EPCAM: variants seen among roughly 807,000 people sequenced by gnomAD.
EPCAM encodes adenocarcinoma-associated antigen.
Under a neutral mutation model 40.0 loss-of-function variants are expected in EPCAM, and 39 were observed. That is an observed-to-expected ratio of 0.98 (90% CI 0.76 to 1.27). EPCAM has a LOEUF of 1.27. Among genes scored for constraint, EPCAM ranks in the 50% most tolerant of loss-of-function variants. The pLI, the probability that EPCAM is intolerant of heterozygous loss-of-function variation, is 0.00. For missense variants in EPCAM, 503 were observed against 381.2 expected (o/e 1.32, Z -2.66); for synonymous variants, 168 against 132.3 (o/e 1.27, Z -1.85).
chr2:47,382,903 C>A (rs1317861804), intron 7 of EPCAM, among the ~76,000 whole-genome samples: 1 of 151,818 alleles, frequency 6.6e-6, no homozygotes, highest in Non-Finnish European at 1.5e-5. Flanking sequence ...TTTTAGACCC[C>A]AAAACTTAGA....
rs201402370 is a variant in EPCAM, at chr2:47,369,510, C to A, written c.5C>A (p.Ala2Glu). 6.4e-7 allele frequency: 1 copy of A among 1,552,870 alleles called. No homozygotes were observed. The highest frequency in any genetic ancestry group is 8.7e-7 in the Non-Finnish European group (1 of 1,155,542). Residue 2 changes from alanine (A) to glutamate (E), a missense_variant, in exon 1 of 9, where the codon GCG (alanine) becomes GAG (glutamate). Coordinates refer to ENST00000263735, the MANE Select transcript of EPCAM (RefSeq NM_002354.3). MAPPQVLAFGLL... is the reference protein window; with the variant it reads MEPPQVLAFGLL... ...TCTTCTCGGCGCGCGCGCAGCATGG[C>A]GCCCCCGCAGGTCCTCGCGTTCGGG...
At chr2:47,375,436 A>C (rs1671396776) in intron 4 of EPCAM, 137 bp downstream of exon 4, 1 of 680,620 alleles carries the variant, frequency 1.5e-6, no homozygotes, top group African/African-American at 1.8e-5. Flanking sequence ...AGTTGCAAGA[A>C]TAGCACAGAG....
chr2:47,381,031 C>T (rs966994136), intron 7 of EPCAM, among the ~76,000 whole-genome samples: 8 of 119,012 alleles, frequency 6.7e-5, no homozygotes, highest in South Asian at 5.7e-4. Flanking sequence ...GGTTGTAGTG[C>T]GCCAAGATCA....
intron 5 of EPCAM, chr2:47,377,864 G>A (rs72810401): frequency 2.4e-6 from 1 of 417,736 alleles, no homozygotes; most frequent in Non-Finnish European, 4.7e-6. Context: ...CTTGAATAGT[G>A]TGACGGAACT....
intron 7 of EPCAM, among the ~76,000 whole-genome samples, chr2:47,384,069 A>C (rs1035326572): frequency 6.6e-6 from 1 of 150,708 alleles, no homozygotes; most frequent in Non-Finnish European, 1.5e-5. Context: ...GTCGTGGTAG[A>C]CTTTTTTTTG....
At chr2:47,369,845 G>A (rs777333542) in intron 1 of EPCAM, 49 of 605,862 alleles carry the variant, frequency 8.1e-5, no homozygotes, top group Non-Finnish European at 1.4e-4. Context: ...CGGGGGACAG[G>A]CAGGGAACGG....
intron 7 of EPCAM, among the ~76,000 whole-genome samples, chr2:47,381,085 CAAAAAAAAAAAAAA>C (rs60299402): frequency 7.7e-5 from 3 of 38,998 alleles, no homozygotes; most frequent in South Asian, 1.4e-3. Flanking sequence ...GACTCTGTCT[CAAAAAAAAAAAAAA>C]AAAAAAAAAA....
At chr2:47,375,012 T>G (rs1297119639) in intron 3 of EPCAM, among the ~76,000 whole-genome samples, 1 of 152,214 alleles carries the variant, frequency 6.6e-6, no homozygotes, top group Admixed American at 6.6e-5. Context: ...TGTGACTTTA[T>G]GTATTGTGTC....
At chr2:47,373,336 T>C (rs2103745102) in intron 1 of EPCAM, 127 bp from the exon 2 acceptor site, 7 of 685,344 alleles carry the variant, frequency 1.0e-5, no homozygotes, top group Non-Finnish European at 1.7e-5. Context: ...AAATAAAACA[T>C]TCAGAACCAC....
chr2:47,381,114 A>G (rs1236661128), intron 7 of EPCAM, among the ~76,000 whole-genome samples: 6 of 107,540 alleles, frequency 5.6e-5, no homozygotes, highest in Admixed American at 3.1e-4. Flanking sequence ...AAAAAAAAAA[A>G]GGCCAGGCAC....
intron 2 of EPCAM, 67 bp from the exon 3 acceptor site, chr2:47,373,741 A>G (rs1207702792): frequency 1.3e-6 from 2 of 1,599,872 alleles, no homozygotes; most frequent in Non-Finnish European, 1.7e-6. Flanking sequence ...CTTTAGAGTT[A>G]ATTTTTTTTT....
chr2:47,376,885 CA>C, intron 4 of EPCAM, 128 bp from the exon 5 acceptor site: 1 of 659,452 alleles, frequency 1.5e-6, no homozygotes, highest in Non-Finnish European at 2.7e-6. Context: ...ATGATAGTTG[CA>C]AAATGGCAGA....
At position 47,373,996 on chromosome 2, in the gene EPCAM, A is replaced by AC. The variant is rs1553342984; in HGVS notation, c.373_374insC (p.Arg125ThrfsTer8). 1 of 1,614,202 alleles carries AC rather than the reference A, an allele frequency of 6.2e-7. No homozygotes were observed. The highest frequency in any genetic ancestry group is 1.1e-5 in the South Asian group (1 of 91,076). The stretch of plus-strand genomic sequence containing the variant: ...CTGGTGTGTGAACACTGCTGGGGTC[A>AC]GAAGAACAGACAAGGACACTGAAAT... On this transcript the variant is annotated frameshift_variant, in exon 3 of 9. Coordinates refer to ENST00000263735, the MANE Select transcript of EPCAM (RefSeq NM_002354.3). LOFTEE classifies it high-confidence loss of function.
intron 4 of EPCAM, among the ~76,000 whole-genome samples, chr2:47,376,565 T>C (rs1235270304): frequency 1.7e-4 from 26 of 152,338 alleles, no homozygotes; most frequent in Non-Finnish European, 1.5e-4. Context: ...CGAGCCTTGA[T>C]GTTCCCTCTT....
intron 7 of EPCAM, chr2:47,383,243 T>A (rs182570101): frequency 1.3e-5 from 2 of 151,034 alleles, no homozygotes; most frequent in East Asian, 4.0e-4. Context: ...GAGGCGGAGC[T>A]TGCAGTGAGC....
At chr2:47,377,229 G>GTT in intron 5 of EPCAM, 152 bp downstream of exon 5, 3 of 662,056 alleles carry the variant, frequency 4.5e-6, no homozygotes, top group Non-Finnish European at 5.5e-6. Flanking sequence ...TCCTGTTACT[G>GTT]TTTTTTTTTG....
chr2:47,370,443 A>T (rs1671228770), intron 1 of EPCAM, among the ~76,000 whole-genome samples: 1 of 151,262 alleles, frequency 6.6e-6, no homozygotes, highest in African/African-American at 2.4e-5. Flanking sequence ...CCCCCCGCTA[A>T]TTTTTGTATT....
rs1397697691 is a variant in EPCAM at position 47,386,613 on chromosome 2, A to G, written c.945A>G (p.Ter315=). 1.2e-6 allele frequency: 2 copies of G among 1,600,250 alleles called. No homozygotes were observed. The change falls in exon 9 of 9, where the codon TAA becomes TAG. Residue 315 remains the stop codon, a stop_retained_variant. Transcript: ENST00000263735. ...AGATGCATAGGGAACTCAATGCATAACTATATAATTTGAAGATTATAGAAG... is the reference window on the plus strand; with the variant it reads ...AGATGCATAGGGAACTCAATGCATAGCTATATAATTTGAAGATTATAGAAG... ...MGEMHRELNA[*]
In EPCAM at chr2:47,369,553, G is replaced by A. The variant is rs2103738145; in HGVS notation, c.48G>A (p.Ala16=). ...VLAFGLLLAA[A]TATFAAAQEE... ...CGTTCGGGCTTCTGCTTGCCGCGGC[G>A]ACGGCGACTTTTGCCGCAGCTCAGG... The change falls in exon 1 of 9, where the codon GCG becomes GCA. Residue 16 remains alanine (A), a synonymous_variant. Coordinates refer to ENST00000263735, the MANE Select transcript of EPCAM (RefSeq NM_002354.3). 1 of 1,587,872 alleles carries A rather than the reference G, an allele frequency of 6.3e-7. No individual in the cohort carries two copies. The highest frequency in any genetic ancestry group is 8.5e-7 in the Non-Finnish European group (1 of 1,170,752).
Sources: gnomAD v4.1 joint callset for allele counts (sites outside exome capture counted in the v4.1 genomes callset) on GRCh38, gnomAD v4.1.1 for gene constraint, MANE v1.5 for transcripts, NCBI Gene and HGNC (gene_info 2026-07-23, HGNC 2026-07-21) for gene names.